ATRN: variants seen among roughly 807,000 people sequenced by gnomAD.
ATRN encodes the protein attractin-2.
In ATRN, 54 loss-of-function variants were observed where a neutral mutation model predicts 178.7. The observed-to-expected ratio is 0.30, with a 90% CI of 0.24 to 0.38. The LOEUF (loss-of-function observed/expected upper bound fraction) is 0.38, where lower values mean the gene tolerates loss of function less well. ATRN is among the 10% of genes least tolerant of loss of function. The pLI is 1.00. For synonymous variants in ATRN, 636 were observed against 663.0 expected (o/e 0.96, Z 0.63); for missense variants, 1,443 against 1,815.1 (o/e 0.79, Z 3.73).
chr20:3,634,382 G>A lies in ATRN; in HGVS notation c.3935G>A (p.Arg1312His), dbSNP rs142103763. Residue 1312 changes from arginine to histidine, a missense_variant, in exon 26 of 29, where the codon CGT becomes CAT. Arg to His is a conservative substitution (Grantham distance 29). Coordinates refer to ENST00000262919, the MANE Select transcript of ATRN (RefSeq NM_139321.3). ...KIKQSCWASR[R>H]REQLLREMQQ... The stretch of plus-strand genomic sequence containing the variant: ...AAACAAAGTTGTTGGGCCTCCAGAC[G>A]TAGAGAGGTAAGCTTCAGTGGGTAA... The A allele has an allele frequency of 3.4e-5, 55 of 1,611,966 alleles. No homozygotes were observed. Among genetic ancestry groups the A allele is most frequent in the Non-Finnish European group, 4.1e-5 (48 of 1,178,438 alleles).
rs369774374 is a variant in ATRN at position 3,547,344 on chromosome 20, C to T, written c.798C>T (p.Ser266=). 2.5e-5 allele frequency: 40 copies of T among 1,613,856 alleles called. No homozygotes were observed. The highest frequency in any genetic ancestry group is 1.1e-4 in the East Asian group (5 of 44,882). The change falls in exon 5 of 29, where the codon AGC becomes AGT. Residue 266 remains serine (S), a synonymous_variant. Coordinates refer to ENST00000262919, the MANE Select transcript of ATRN (RefSeq NM_139321.3). The part of the protein sequence containing the change: ...GRGECKISNS[S]DTVECECSEN... ...GAGAGTGTAAGATCAGTAATAGCAG[C>T]GATACTGTTGAATGTGAATGTTCTG... is the stretch of plus-strand genomic sequence containing the variant.
At chr20:3,480,356 C>T (rs1458213614) in intron 1 of ATRN, among the ~76,000 whole-genome samples, 3 of 152,136 alleles carry the variant, frequency 2.0e-5, no homozygotes, top group Non-Finnish European at 2.9e-5. Context: ...GTGGCGAGGC[C>T]ATAATGCCTA....
chr20:3,585,099 T>C (rs988236519), intron 18 of ATRN, among the ~76,000 whole-genome samples: 1 of 152,148 alleles, frequency 6.6e-6, no homozygotes, highest in Non-Finnish European at 1.5e-5. Context: ...TTCTAAGAAA[T>C]TGGCCTTTGA....
At chr20:3,547,882 T>C (rs1314552141) in intron 5 of ATRN, among the ~76,000 whole-genome samples, 1 of 63,088 alleles carries the variant, frequency 1.6e-5, no homozygotes, top group Admixed American at 1.8e-4. Flanking sequence ...AGGAGTTAGC[T>C]AATAGTTATC....
At chr20:3,561,629 A>G (rs1405918420) in intron 8 of ATRN, among the ~76,000 whole-genome samples, 1 of 152,246 alleles carries the variant, frequency 6.6e-6, no homozygotes, top group African/African-American at 2.4e-5. Flanking sequence ...GTTGTGCAGT[A>G]GGAATACCAG....
intron 1 of ATRN, among the ~76,000 whole-genome samples, chr20:3,492,528 A>G (rs912336254): frequency 6.6e-6 from 1 of 152,082 alleles, no homozygotes; most frequent in African/African-American, 2.4e-5. Context: ...CAATAAGACT[A>G]CCATGAATTG....
At chr20:3,484,570 G>A (rs940767316) in intron 1 of ATRN, among the ~76,000 whole-genome samples, 25 of 152,042 alleles carry the variant, frequency 1.6e-4, no homozygotes, top group African/African-American at 5.6e-4. Context: ...ATTGAATTGT[G>A]CTATAATCAT....
At chr20:3,484,311 C>G (rs890563465) in intron 1 of ATRN, among the ~76,000 whole-genome samples, 2 of 151,032 alleles carry the variant, frequency 1.3e-5, no homozygotes, top group Non-Finnish European at 3.0e-5. Flanking sequence ...TATTCTTTTC[C>G]TTTATGGCTT....
At chr20:3,535,915 C>A (rs1436876588) in intron 2 of ATRN, among the ~76,000 whole-genome samples, 1 of 152,108 alleles carries the variant, frequency 6.6e-6, no homozygotes, top group Non-Finnish European at 1.5e-5. Context: ...CAGGTGTGAG[C>A]CACTGCGCCC....
At chr20:3,603,238 CCTCCCTGCTACAGTGGGTTAGGCAGTGAG>C (rs1182184761) in intron 23 of ATRN, among the ~76,000 whole-genome samples, 1 of 152,098 alleles carries the variant, frequency 6.6e-6, no homozygotes, top group Non-Finnish European at 1.5e-5. Flanking sequence ...TTGAACCCCT[CCTCCCTGCTACAGTGGGTTAGGCAGTGAG>C]CGGTACATCA....
At chr20:3,474,708 AAACAAC>A (rs952914477) in intron 1 of ATRN, among the ~76,000 whole-genome samples, 1 of 150,588 alleles carries the variant, frequency 6.6e-6, no homozygotes, top group African/African-American at 2.4e-5. Context: ...GTCCATCTCA[AAACAAC>A]AACAACAACA....
intron 24 of ATRN, among the ~76,000 whole-genome samples, chr20:3,619,932 T>G (rs2086884007): frequency 6.6e-6 from 1 of 152,168 alleles, no homozygotes; most frequent in East Asian, 1.9e-4. Context: ...AGAGCCTCCC[T>G]AGCCTGCCAC....
At chr20:3,489,581 T>C (rs2084753458) in intron 1 of ATRN, 2 of 1,476,890 alleles carry the variant, frequency 1.4e-6, no homozygotes, top group Non-Finnish European at 1.9e-6. Flanking sequence ...ATTCACAACA[T>C]TCCCACTTGA....
chr20:3,514,626 A>G (rs1472054714), intron 1 of ATRN, among the ~76,000 whole-genome samples: 2 of 152,224 alleles, frequency 1.3e-5, no homozygotes, highest in African/African-American at 4.8e-5. Context: ...ATAGAATTCA[A>G]TACGTTAATG....
Position 3,651,083 on chromosome 20 carries a change from A to G in ATRN, c.*4236A>G, listed in dbSNP as rs975540516. ...AAACAAAAGTAAATACTATAATACA[A>G]ACTTCCTTCTGAAATAAAAGTAGAT... On this transcript the variant is annotated 3_prime_UTR_variant, in exon 29 of 29. Coordinates refer to ENST00000262919, the MANE Select transcript of ATRN (RefSeq NM_139321.3). 2.6e-5 allele frequency: 4 copies of G among 152,680 alleles called. No individual in the cohort carries two copies. The highest frequency in any genetic ancestry group is 9.6e-5 in the African/African-American group (4 of 41,458). The allele number at this position is 152,680 out of a possible 1,614,324, so 9.5% of individuals were successfully genotyped here.
rs1017405734 is a variant in ATRN at position 3,648,605 on chromosome 20, C to T, written c.*1758C>T. The stretch of plus-strand genomic sequence containing the variant: ...CTCTTCCCCAACACTAACCCCACTC[C>T]CATGAAGAATTGCCTGGAAAGATGT... On this transcript the variant is annotated 3_prime_UTR_variant, in exon 29 of 29. Coordinates refer to ENST00000262919, the MANE Select transcript of ATRN (RefSeq NM_139321.3). The T allele has an allele frequency of 6.6e-6, 1 of 152,262 alleles. No homozygotes were observed. Among genetic ancestry groups the T allele is most frequent in the Non-Finnish European group, 1.5e-5 (1 of 68,042 alleles). 9.4% of individuals were successfully genotyped at this position (152,262 alleles called of 1,614,324 possible). A position where few individuals can be genotyped will look rare whatever the true frequency, so the allele number is the denominator to read the frequency against.
chr20:3,619,021 C>G (rs185717358), intron 24 of ATRN, among the ~76,000 whole-genome samples: 170 of 152,278 alleles, frequency 1.1e-3, no homozygotes, highest in African/African-American at 3.9e-3. Context: ...CACATGGGCT[C>G]CTTCTGGGCT....
At chr20:3,481,025 C>T (rs1195913408) in intron 1 of ATRN, among the ~76,000 whole-genome samples, 2 of 152,022 alleles carry the variant, frequency 1.3e-5, no homozygotes, top group Non-Finnish European at 2.9e-5. Flanking sequence ...TTAAATAGTA[C>T]TCTCCTATTT....
chr20:3,635,402 AAAT>A (rs1444468841), intron 26 of ATRN, among the ~76,000 whole-genome samples: 1 of 139,638 alleles, frequency 7.2e-6, no homozygotes, highest in Non-Finnish European at 1.6e-5. Context: ...AATATTTTAA[AAAT>A]AACCACCATT....
Sources: allele counts gnomAD v4.1 joint callset (sites outside exome capture counted in the v4.1 genomes callset), GRCh38; gene constraint gnomAD v4.1.1; transcripts MANE v1.5; gene names NCBI Gene and HGNC (gene_info 2026-07-23, HGNC 2026-07-21).